The following MRGPRX1 variants were observed in gnomAD, a reference collection of about 807,000 sequenced individuals.
The protein encoded by MRGPRX1 is MAS related GPR family member X1.
For synonymous variants in MRGPRX1, 208 were observed against 170.4 expected (o/e 1.22, Z -1.72); for missense variants, 411 against 393.8 (o/e 1.04, Z -0.37).
At position 18,935,094 on chromosome 11, in the gene MRGPRX1, G is replaced by A; in HGVS notation, c.-25-285C>T. 3 of 296,590 alleles carry A rather than the reference G, an allele frequency of 1.0e-5. 1 individual carries two copies. The highest frequency in any genetic ancestry group is 1.9e-5 in the Non-Finnish European group (3 of 159,242). 18.4% of individuals were successfully genotyped at this position (296,590 alleles called of 1,614,324 possible). On this transcript the variant is annotated intron_variant, in intron 1 of 1. Transcript: ENST00000526914. ...ATCTAGCCAGGGCTGTGGACCCGAT[G>A]ATTACTCTATCCTGGGCCTGAAATT... is the stretch of plus-strand genomic sequence containing the variant.
chr11:18,934,861 C>T lies in MRGPRX1; in HGVS notation c.-25-52G>A, dbSNP rs1005984874. 4 of 1,479,172 alleles carry T rather than the reference C, an allele frequency of 2.7e-6. No individual in the cohort carries two copies. In the African/African-American group the frequency reaches 4.2e-5, roughly 16 times the overall value. The allele number at this position is 1,479,172 out of a possible 1,614,324, so 91.6% of individuals were successfully genotyped here. A position where few individuals can be genotyped will look rare whatever the true frequency, so the allele number is the denominator to read the frequency against. On this transcript the variant is annotated intron_variant, in intron 1 of 1. Transcript: ENST00000526914. The stretch of plus-strand genomic sequence containing the variant: ...CCAGCTGTATGATCTCTGATTCTCC[C>T]CACCACCCTGCCATGTGGGATTTAC...
Position 18,933,717 on chromosome 11 carries a change from A to G in MRGPRX1, c.*99T>C. ...GAAGACCTTGAGGAACCACTGAGAC[A>G]TTTCTGAGGCAGAAGGCTAAGAAAA... On this transcript the variant is annotated 3_prime_UTR_variant, in exon 2 of 2. Coordinates refer to ENST00000526914, the MANE Select transcript of MRGPRX1 (RefSeq NM_001393578.1). 3.3e-6 allele frequency: 5 copies of G among 1,502,136 alleles called. 1 individual carries two copies. Among genetic ancestry groups the G allele is most frequent in the Non-Finnish European group, 4.5e-6 (5 of 1,122,386 alleles). 93.1% of individuals were successfully genotyped at this position (1,502,136 alleles called of 1,614,324 possible).
Position 18,935,130 on chromosome 11 carries a change from G to T in MRGPRX1, c.-25-321C>A, listed in dbSNP as rs180724624. 2.8e-4 allele frequency: 66 copies of T among 231,654 alleles called. 1 individual carries two copies. The highest frequency in any genetic ancestry group is 1.4e-3 in the African/African-American group (64 of 44,300). The allele number at this position is 231,654 out of a possible 1,614,324, so 14.3% of individuals were successfully genotyped here. ...CCTGGGCCTGAAATTTTCTCTCAGG[G>T]GGAGGAATTCAGGTATGCAAAGAGG... On this transcript the variant is annotated intron_variant, in intron 1 of 1. Coordinates refer to ENST00000526914, the MANE Select transcript of MRGPRX1 (RefSeq NM_001393578.1).
chr11:18,934,577 C>T lies in MRGPRX1; in HGVS notation c.208G>A (p.Ala70Thr), dbSNP rs567589026. 11 of 1,609,402 alleles carry T rather than the reference C, an allele frequency of 6.8e-6. No individual in the cohort carries two copies. Among genetic ancestry groups the T allele is most frequent in the African/African-American group, 6.7e-5 (5 of 74,712 alleles). Reference protein sequence around the residue: ...AFSIYILNLAAADFLFLSGRL... With the variant: ...AFSIYILNLATADFLFLSGRL... ...CCGCTGAGGAAGAGGAAGTCTGCTG[C>T]GGCCAAGTTGAGGATGTAGATGGAG... The change falls in exon 2 of 2, where the codon GCA (alanine) becomes ACA (threonine). Residue 70 changes from alanine to threonine, a missense_variant. Coordinates refer to ENST00000526914, the MANE Select transcript of MRGPRX1 (RefSeq NM_001393578.1).
chr11:18,935,461 A>C (rs1377722714), intron 1 of MRGPRX1, among the ~76,000 whole-genome samples: 1 of 151,520 alleles, frequency 6.6e-6, no homozygotes, highest in East Asian at 1.9e-4. Flanking sequence ...ACAAAAATGA[A>C]AGCACAATGT....
chr11:18,938,516 C>G (rs985172152), intron 1 of MRGPRX1, among the ~76,000 whole-genome samples: 2 of 151,448 alleles, frequency 1.3e-5, no homozygotes, highest in Admixed American at 1.3e-4. Context: ...GAAACCATCC[C>G]CACTATTTAA....
At chr11:18,936,322 C>T (rs1454211561) in intron 1 of MRGPRX1, among the ~76,000 whole-genome samples, 2 of 150,094 alleles carry the variant, frequency 1.3e-5, no homozygotes, top group South Asian at 4.2e-4. Context: ...CTAACCTAAA[C>T]CAACTTCAGA....
intron 1 of MRGPRX1, among the ~76,000 whole-genome samples, chr11:18,936,225 T>C (rs1848839514): frequency 1.3e-5 from 2 of 150,986 alleles, no homozygotes; most frequent in Non-Finnish European, 3.0e-5. Flanking sequence ...GTGTCGATTA[T>C]ACATGTTAGA....
intron 1 of MRGPRX1, among the ~76,000 whole-genome samples, chr11:18,937,952 G>A (rs114501325): frequency 0.018 from 2,718 of 151,018 alleles, 43 homozygotes; most frequent in African/African-American, 0.046. Context: ...TGTAGACAGA[G>A]ACTGTCCCAG....
intron 1 of MRGPRX1, among the ~76,000 whole-genome samples, chr11:18,939,016 A>T (rs1848861849): frequency 6.6e-6 from 1 of 151,522 alleles, no homozygotes; most frequent in Non-Finnish European, 1.5e-5. Flanking sequence ...TGAATGTGAG[A>T]GGCAGCATTT....
intron 1 of MRGPRX1, among the ~76,000 whole-genome samples, chr11:18,937,246 G>A (rs1848848090): frequency 6.6e-6 from 1 of 151,216 alleles, no homozygotes; most frequent in South Asian, 2.1e-4. Flanking sequence ...GTGTGGCTGG[G>A]AACCATATAG....
intron 1 of MRGPRX1, 128 bp downstream of exon 1, chr11:18,939,152 T>A (rs564842258): frequency 6.6e-6 from 1 of 151,658 alleles, no homozygotes; most frequent in Non-Finnish European, 1.5e-5. Context: ...AGAAGGAAAC[T>A]TCATGTCCCC....
chr11:18,936,863 G>A lies in MRGPRX1; in HGVS notation c.-25-2054C>T, dbSNP rs1340707552. ...CATGAGTTCACAACACGAAGAGCAGGCCCAATGCCAGCCCCTGGTCCCTGG... is the reference window on the plus strand; with the variant it reads ...CATGAGTTCACAACACGAAGAGCAGACCCAATGCCAGCCCCTGGTCCCTGG... On this transcript the variant is annotated intron_variant, in intron 1 of 1. Coordinates refer to ENST00000526914, the MANE Select transcript of MRGPRX1 (RefSeq NM_001393578.1). 2.0e-5 allele frequency among the ~76,000 whole-genome samples: 3 copies of A among 151,478 alleles called. 1 individual carries two copies. The highest frequency in any genetic ancestry group is 6.6e-5 in the Admixed American group (1 of 15,126).
intron 1 of MRGPRX1, among the ~76,000 whole-genome samples, chr11:18,937,639 G>A (rs756302578): frequency 2.0e-5 from 3 of 151,324 alleles, no homozygotes; most frequent in Non-Finnish European, 3.0e-5. Flanking sequence ...GCACACCTCC[G>A]CCATACCCTT....
At chr11:18,938,327 G>C (rs543102571) in intron 1 of MRGPRX1, among the ~76,000 whole-genome samples, 1 of 151,546 alleles carries the variant, frequency 6.6e-6, no homozygotes. Context: ...TTCTAAGAAG[G>C]CCTCAGGAAG....
Position 18,934,628 on chromosome 11 carries a change from C to T in MRGPRX1, c.157G>A (p.Gly53Ser). 6.2e-7 allele frequency: 1 copy of T among 1,610,604 alleles called. No individual in the cohort carries two copies. The highest frequency in any genetic ancestry group is 8.5e-7 in the Non-Finnish European group (1 of 1,178,080). The change falls in exon 2 of 2, where the codon GGC becomes AGC. Residue 53 changes from glycine to serine, a missense_variant. Gly to Ser is a moderately conservative substitution (Grantham distance 56, BLOSUM62 0). Coordinates refer to ENST00000526914, the MANE Select transcript of MRGPRX1 (RefSeq NM_001393578.1). Reference protein sequence around the residue: ...TGNAVVLWLLGCRMRRNAFSI... With the variant: ...TGNAVVLWLLSCRMRRNAFSI... ...AAGGCGTTCCTGCGCATGCGGCAGC[C>T]CAGGAGCCAGAGCACAACTGCGTTT...
At position 18,934,098 on chromosome 11, in the gene MRGPRX1, G is replaced by C. The variant is rs756840521; in HGVS notation, c.687C>G (p.Gly229=). The change falls in exon 2 of 2, where the codon GGC becomes GGG. Residue 229 remains glycine, a synonymous_variant. Coordinates refer to ENST00000526914, the MANE Select transcript of MRGPRX1 (RefSeq NM_001393578.1). ...LLTVLVFLLC[G]LPFGIQFFLF... ...GGAAAAACTGAATGCCAAAGGGCAG[G>C]CCACAGAGGAGGAAGACCAGTACTG... The C allele has an allele frequency of 6.2e-6, 10 of 1,610,976 alleles. No homozygotes were observed. Among genetic ancestry groups the C allele is most frequent in the South Asian group, 4.4e-5 (4 of 90,790 alleles).
At position 18,934,287 on chromosome 11, in the gene MRGPRX1, A is replaced by G. The variant is rs1465049933; in HGVS notation, c.498T>C (p.Ser166=). 6.2e-7 allele frequency: 1 copy of G among 1,610,716 alleles called. No homozygotes were observed. The change falls in exon 2 of 2, where the codon AGT becomes AGC. Residue 166 remains serine (S), a synonymous_variant. Transcript: ENST00000526914. ...TTTGACACCAAGCAGAATCAGCACC[A>G]CTGAACAGGAAGCCACATAACATCC... The part of the protein sequence containing the change: ...LEWMLCGFLF[S]GADSAWCQTS...
chr11:18,937,136 G>A (rs1241407028), intron 1 of MRGPRX1, among the ~76,000 whole-genome samples: 1 of 151,462 alleles, frequency 6.6e-6, no homozygotes, highest in East Asian at 1.9e-4. Context: ...TTCAGTGAAA[G>A]ATGCACAAAA....
Sources: allele counts gnomAD v4.1 joint callset (sites outside exome capture counted in the v4.1 genomes callset), GRCh38; gene constraint gnomAD v4.1.1; transcripts MANE v1.5; gene names NCBI Gene and HGNC (gene_info 2026-07-23, HGNC 2026-07-21).